Variants in LILRA1 observed in about 807,000 individuals in gnomAD.
LILRA1 encodes the protein leukocyte immunoglobulin-like receptor subfamily A member 1.
A neutral mutation model predicts 51.6 loss-of-function variants in LILRA1; 51 were observed. The ratio of observed to expected loss-of-function variants is 0.99; its 90% CI spans 0.79 to 1.25. The LOEUF (loss-of-function observed/expected upper bound fraction) is 1.25. Ranked by LOEUF, LILRA1 falls within the 50% of genes most tolerant of loss-of-function variation. LILRA1 has a pLI of 0.00. For synonymous variants in LILRA1, 305 were observed against 248.4 expected (o/e 1.23, Z -2.14); for missense variants, 660 against 611.7 (o/e 1.08, Z -0.83).
chr19:54,594,624 G>A (rs1362555880), intron 3 of LILRA1, 41 bp from the exon 4 acceptor site: 6 of 1,608,386 alleles, frequency 3.7e-6, no homozygotes, highest in Admixed American at 1.7e-5. Flanking sequence ...GATATGTTGG[G>A]TGGGAAATGA....
chr19:54,600,665 T>C, intron 9 of LILRA1, 34 bp from the exon 10 acceptor site: 1 of 1,613,358 alleles, frequency 6.2e-7, no homozygotes, highest in Non-Finnish European at 8.5e-7. Flanking sequence ...TGATCTGCCC[T>C]GACCTCTGTG....
chr19:54,594,962 C>A lies in LILRA1; in HGVS notation c.358+10C>A, dbSNP rs1304892471. 6.2e-7 allele frequency: 1 copy of A among 1,613,578 alleles called. No individual in the cohort carries two copies. Among genetic ancestry groups the A allele is most frequent in the Non-Finnish European group, 8.5e-7 (1 of 1,179,702 alleles). On this transcript the variant is annotated intron_variant, in intron 4 of 9. Transcript: ENST00000251372. ...GAGCTGGTGGTGACAGGTGAGCTGA[C>A]ACTGAGGGCTCCCAGCCCCAGGCTC...
At chr19:54,599,471 T>A in intron 8 of LILRA1, 185 bp downstream of exon 8, 1 of 1,253,838 alleles carries the variant, frequency 8.0e-7, no homozygotes, top group Non-Finnish European at 1.0e-6. Flanking sequence ...AAATAAGAGA[T>A]AACTATCCAT....
intron 8 of LILRA1, 22 bp downstream of exon 8, chr19:54,599,308 G>A (rs45541031): frequency 0.046 from 72,202 of 1,554,900 alleles, 1,847 homozygotes; most frequent in South Asian, 0.059. Flanking sequence ...GATGCTTGCC[G>A]TGATGACGCT....
At position 54,594,481 on chromosome 19, in the gene LILRA1, G is replaced by A. The variant is rs761744524; in HGVS notation, c.70+5G>A. Reference sequence around the variant, plus strand: ...CCCGGACCCACGTGCAGGCAGGTGAGTCTGTCCCCAGCTCTCCCAGGTCCC... The same window carrying A: ...CCCGGACCCACGTGCAGGCAGGTGAATCTGTCCCCAGCTCTCCCAGGTCCC... On this transcript the variant is annotated splice_donor_5th_base_variant and intron_variant, in intron 3 of 9. Transcript: ENST00000251372. 4 of 1,614,146 alleles carry A rather than the reference G, an allele frequency of 2.5e-6. No homozygotes were observed. The highest frequency in any genetic ancestry group is 1.1e-5 in the South Asian group (1 of 91,084).
In LILRA1 at chr19:54,596,454, G is replaced by T. The variant is rs890687005; in HGVS notation, c.1224G>T (p.Leu408=). Residue 408 remains leucine (L), a synonymous_variant, in exon 7 of 10, where the codon CTG becomes CTT. Transcript: ENST00000251372. ...CACTCAGCTCCAACCCCTACCTGCT[G>T]TCTCACCCCAGTGACTCCCTGGAGC... ...YGSLSSNPYL[L]SHPSDSLELM... is the part of the protein sequence containing the mutation. 2.5e-6 allele frequency: 4 copies of T among 1,614,038 alleles called. No individual in the cohort carries two copies. Among genetic ancestry groups the T allele is most frequent in the Non-Finnish European group, 3.4e-6 (4 of 1,180,028 alleles).
In LILRA1 at chr19:54,596,340, A is replaced by G. The variant is rs755938244; in HGVS notation, c.1110A>G (p.Arg370=). Residue 370 remains arginine (R), a synonymous_variant, in exon 7 of 10, where the codon AGA becomes AGG. Coordinates refer to ENST00000251372, the MANE Select transcript of LILRA1 (RefSeq NM_006863.4). ...CAGCTGATGCCCCCCTCCGTCTCAG[A>G]TCAATACACGAATATCCTAAGTACC... The part of the protein sequence containing the change: ...AGAADAPLRL[R]SIHEYPKYQA... 2.5e-6 allele frequency: 4 copies of G among 1,614,036 alleles called. No homozygotes were observed. Among genetic ancestry groups the G allele is most frequent in the Non-Finnish European group, 1.7e-6 (2 of 1,179,994 alleles).
Position 54,594,663 on chromosome 19 carries a change from A to C in LILRA1, c.71-2A>C. 3.7e-6 allele frequency: 6 copies of C among 1,612,372 alleles called. No individual in the cohort carries two copies. The highest frequency in any genetic ancestry group is 5.1e-6 in the Non-Finnish European group (6 of 1,179,190). On this transcript the variant is annotated splice_acceptor_variant, in intron 3 of 9. Transcript: ENST00000251372. LOFTEE classifies it high-confidence loss of function. ...AGAATCTGAACTCTGATTTCCTTCC[A>C]GGGACCCTCCCCAAGCCCACACTCT...
intron 7 of LILRA1, among the ~76,000 whole-genome samples, chr19:54,597,770 G>C (rs10413326): frequency 6.6e-6 from 1 of 151,694 alleles, no homozygotes; most frequent in Non-Finnish European, 1.5e-5. Context: ...CAAGACAAGA[G>C]AGGAGGCCTT....
intron 7 of LILRA1, among the ~76,000 whole-genome samples, chr19:54,598,474 C>T (rs549338849): frequency 2.0e-4 from 31 of 152,072 alleles, no homozygotes; most frequent in Admixed American, 3.3e-4. Flanking sequence ...ATGAGAAACC[C>T]GGGGGAGGTC....
chr19:54,595,180 T>C lies in LILRA1; in HGVS notation c.439T>C (p.Ser147Pro). 6.2e-7 allele frequency: 1 copy of C among 1,614,090 alleles called. No individual in the cohort carries two copies. The highest frequency in any genetic ancestry group is 8.5e-7 in the Non-Finnish European group (1 of 1,179,994). ...SGGNVTLHCVSQVAFGSFILC... is the reference protein window; with the variant it reads ...SGGNVTLHCVPQVAFGSFILC... ...AGGGAACGTGACCCTCCATTGTGTCTCACAGGTGGCATTTGGCAGCTTCAT... is the reference window on the plus strand; with the variant it reads ...AGGGAACGTGACCCTCCATTGTGTCCCACAGGTGGCATTTGGCAGCTTCAT... The change falls in exon 5 of 10, where the codon TCA becomes CCA. Residue 147 changes from serine to proline, a missense_variant. Ser to Pro is a moderately conservative substitution (Grantham distance 74). Transcript: ENST00000251372.
At position 54,595,115 on chromosome 19, in the gene LILRA1, C is replaced by G. The variant is rs1342654845; in HGVS notation, c.374C>G (p.Pro125Arg). 6 of 1,613,504 alleles carry G rather than the reference C, an allele frequency of 3.7e-6. No homozygotes were observed. In the African/African-American group the frequency reaches 8.0e-5, roughly 22 times the overall value. ...ELVVTGAYIK[P>R]TLSALPSPVV... is the part of the protein sequence containing the mutation. ...TCTCTCCTAGGAGCCTACATCAAAC[C>G]CACCCTCTCAGCTCTACCCAGCCCT... is the stretch of plus-strand genomic sequence containing the variant. The change falls in exon 5 of 10, where the codon CCC (proline) becomes CGC (arginine). Residue 125 changes from proline (P) to arginine (R), a missense_variant. Coordinates refer to ENST00000251372, the MANE Select transcript of LILRA1 (RefSeq NM_006863.4).
chr19:54,599,643 G>A, intron 8 of LILRA1: 1 of 936,926 alleles, frequency 1.1e-6, no homozygotes, highest in Non-Finnish European at 1.3e-6. Context: ...TCTAAATTAT[G>A]TGCCAATATT....
chr19:54,594,456 C>T lies in LILRA1; in HGVS notation c.50C>T (p.Pro17Leu), dbSNP rs149357491. The T allele has an allele frequency of 6.2e-7, 1 of 1,614,124 alleles. No homozygotes were observed. Among genetic ancestry groups the T allele is most frequent in the South Asian group, 1.1e-5 (1 of 91,086 alleles). Residue 17 changes from proline (P) to leucine (L), a missense_variant, in exon 3 of 10, where the codon CCC becomes CTC. By Grantham distance (98) the Pro-to-Leu change is moderately conservative. Transcript: ENST00000251372. ...TCTCTTCCAGGGCTGAGTCTGGGCC[C>T]CCGGACCCACGTGCAGGCAGGTGAG... ...VLICLRLSLG[P>L]RTHVQAGTLP...
chr19:54,597,949 G>A (rs571562727), intron 7 of LILRA1, among the ~76,000 whole-genome samples: 6 of 151,398 alleles, frequency 4.0e-5, no homozygotes, highest in Non-Finnish European at 5.9e-5. Flanking sequence ...AGGAGGGGCC[G>A]TGTGAGCGGC....
rs2063006651 is a variant in LILRA1, at chr19:54,595,140, T to C, written c.399T>C (p.Pro133=). 6.2e-7 allele frequency: 1 copy of C among 1,614,140 alleles called. No homozygotes were observed. Residue 133 remains proline (P), a synonymous_variant, in exon 5 of 10, where the codon CCT becomes CCC. Transcript: ENST00000251372. ...CCACCCTCTCAGCTCTACCCAGCCC[T>C]GTGGTGACCTCAGGAGGGAACGTGA... ...IKPTLSALPS[P]VVTSGGNVTL... is the part of the protein sequence containing the mutation.
chr19:54,598,365 CATA>C (rs1171462470), intron 7 of LILRA1, among the ~76,000 whole-genome samples: 3 of 152,170 alleles, frequency 2.0e-5, no homozygotes, highest in African/African-American at 7.2e-5. Flanking sequence ...TCCTCCTGTA[CATA>C]TTAAAAATCG....
intron 3 of LILRA1, 83 bp from the exon 4 acceptor site, chr19:54,594,582 G>A (rs1440246001): frequency 1.2e-6 from 2 of 1,610,840 alleles, no homozygotes; most frequent in Non-Finnish European, 8.5e-7. Context: ...TGACTGATGG[G>A]GGCATCTGGA....
rs761272408 is a variant in LILRA1 at position 54,595,670 on chromosome 19, G to T, written c.693G>T (p.Gln231His). 13 of 1,613,578 alleles carry T rather than the reference G, an allele frequency of 8.1e-6. No individual in the cohort carries two copies. The highest frequency in any genetic ancestry group is 1.1e-5 in the Non-Finnish European group (13 of 1,179,632). Residue 231 changes from glutamine (Q) to histidine (H), a missense_variant, in exon 6 of 10, where the codon CAG (glutamine) becomes CAT (histidine). Gln to His is a conservative substitution (Grantham distance 24). Transcript: ENST00000251372. Reference sequence around the variant, plus strand: ...CTAAGAAGCCATCACTCTCAGTGCAGCCAGGTCCTATAGTGGCCCCTGGGG... The same window carrying T: ...CTAAGAAGCCATCACTCTCAGTGCATCCAGGTCCTATAGTGGCCCCTGGGG... ...GVSKKPSLSV[Q>H]PGPIVAPGES...
Sources: allele counts gnomAD v4.1 joint callset (sites outside exome capture counted in the v4.1 genomes callset), GRCh38; gene constraint gnomAD v4.1.1; transcripts MANE v1.5; gene names NCBI Gene and HGNC (gene_info 2026-07-23, HGNC 2026-07-21).